GPC5: variants seen among roughly 807,000 people sequenced by gnomAD.
The protein encoded by GPC5 is glypican-5.
GPC5 carries 47 observed loss-of-function variants against 53.9 expected under a neutral mutation model. That is an observed-to-expected ratio of 0.87 (90% CI 0.69 to 1.11). GPC5 has a LOEUF of 1.11. Among genes scored for constraint, GPC5 ranks in the 50% most tolerant of loss-of-function variants. GPC5 has a pLI of 0.00. For missense variants in GPC5, 748 were observed against 713.1 expected (o/e 1.05, Z -0.56); for synonymous variants, 286 against 263.3 (o/e 1.09, Z -0.84).
At chr13:92,794,129 T>A (rs1876567650) in intron 7 of GPC5, among the ~76,000 whole-genome samples, 1 of 151,756 alleles carries the variant, frequency 6.6e-6, no homozygotes, top group Non-Finnish European at 1.5e-5. Flanking sequence ...AAAGCGAAAA[T>A]CCTCAATAAA....
At chr13:92,502,579 T>G (rs201511640) in intron 7 of GPC5, among the ~76,000 whole-genome samples, 1 of 151,980 alleles carries the variant, frequency 6.6e-6, no homozygotes. Flanking sequence ...GGAGTGGCTG[T>G]GTTAATTAGA....
chr13:91,949,365 G>A (rs2040005160), intron 6 of GPC5, among the ~76,000 whole-genome samples: 1 of 152,170 alleles, frequency 6.6e-6, no homozygotes, highest in Admixed American at 6.5e-5. Context: ...CTACAGTAAA[G>A]ATAGTTAATT....
At chr13:92,369,150 A>G (rs536202034) in intron 7 of GPC5, among the ~76,000 whole-genome samples, 15 of 152,348 alleles carry the variant, frequency 9.8e-5, no homozygotes, top group African/African-American at 2.9e-4. Context: ...TATATCATCA[A>G]TGCACCTTTA....
intron 5 of GPC5, among the ~76,000 whole-genome samples, chr13:91,766,810 A>AAAG: frequency 1.3e-5 from 2 of 152,288 alleles, no homozygotes; most frequent in African/African-American, 4.8e-5. Context: ...CAGTGAGCCG[A>AAAG]GACTGCACCA....
chr13:91,404,063 C>A (rs1877144521), intron 1 of GPC5, among the ~76,000 whole-genome samples: 1 of 152,172 alleles, frequency 6.6e-6, no homozygotes, highest in African/African-American at 2.4e-5. Context: ...CCACTTATCA[C>A]CCCCCAATCC....
intron 7 of GPC5, among the ~76,000 whole-genome samples, chr13:92,321,029 C>A (rs1177050397): frequency 6.8e-6 from 1 of 147,264 alleles, no homozygotes; most frequent in Non-Finnish European, 1.5e-5. Context: ...TTCTTTCATA[C>A]AATGTAGGAT....
chr13:92,281,217 C>T (rs1309559959), intron 7 of GPC5, among the ~76,000 whole-genome samples: 2 of 152,198 alleles, frequency 1.3e-5, no homozygotes, highest in Admixed American at 6.5e-5. Context: ...CCTGCCATTG[C>T]TGAGGCTTCA....
At chr13:91,429,684 T>C (rs1879292740) in intron 1 of GPC5, among the ~76,000 whole-genome samples, 1 of 152,176 alleles carries the variant, frequency 6.6e-6, no homozygotes, top group Non-Finnish European at 1.5e-5. Context: ...CTAGAGTTGA[T>C]GGTGTGAGAC....
At chr13:92,421,558 G>A (rs995297632) in intron 7 of GPC5, among the ~76,000 whole-genome samples, 3 of 151,962 alleles carry the variant, frequency 2.0e-5, no homozygotes, top group South Asian at 2.1e-4. Flanking sequence ...AATTAGTCGG[G>A]CGTGGTGGCG....
intron 7 of GPC5, among the ~76,000 whole-genome samples, chr13:92,435,854 C>T (rs1021394921): frequency 6.6e-6 from 1 of 152,164 alleles, no homozygotes; most frequent in Admixed American, 6.5e-5. Context: ...TGGTAGAATG[C>T]ATTCAGGGAA....
At position 92,128,130 on chromosome 13, in the gene GPC5, G is replaced by T. The variant is rs189985436; in HGVS notation, c.1402-16700G>T. Among the ~76,000 whole-genome samples, 12 of 152,144 alleles carry T rather than the reference G, an allele frequency of 7.9e-5. No individual in the cohort carries two copies. The East Asian group carries it at 2.3e-3, about 29-fold the overall frequency. On this transcript the variant is annotated intron_variant, in intron 6 of 7. Coordinates refer to ENST00000377067, the MANE Select transcript of GPC5 (RefSeq NM_004466.6). ...CTTACTCAGCTTTTCCCTATTCTTC[G>T]GGTTTCCTCTGGGTCCTTTGATAAT...
At chr13:92,311,729 A>T (rs1287590542) in intron 7 of GPC5, among the ~76,000 whole-genome samples, 1 of 152,120 alleles carries the variant, frequency 6.6e-6, no homozygotes, top group Non-Finnish European at 1.5e-5. Context: ...ACCCACCCCT[A>T]TGATTCAGTT....
chr13:92,423,685 C>G (rs1050965315), intron 7 of GPC5, among the ~76,000 whole-genome samples: 7 of 152,144 alleles, frequency 4.6e-5, no homozygotes, highest in African/African-American at 1.7e-4. Context: ...TAGCAATTTT[C>G]TTAATGTTAC....
intron 5 of GPC5, among the ~76,000 whole-genome samples, chr13:91,782,696 A>G (rs1269430287): frequency 1.3e-5 from 2 of 152,190 alleles, no homozygotes; most frequent in Admixed American, 1.3e-4. Flanking sequence ...CTTTTAGCCT[A>G]AAATTAGTTC....
chr13:91,836,102 A>G lies in GPC5; in HGVS notation c.1281-71835A>G, dbSNP rs1320377626. Among the ~76,000 whole-genome samples, 10 of 152,152 alleles carry G rather than the reference A, an allele frequency of 6.6e-5. No homozygotes were observed. The South Asian group carries it at 1.9e-3, about 28-fold the overall frequency. On this transcript the variant is annotated intron_variant, in intron 5 of 7. Transcript: ENST00000377067. The stretch of plus-strand genomic sequence containing the variant: ...ATCACAGAAGAGAATACTAAGCACT[A>G]AGAAGAAATTTAAATATTGTATGTT...
chr13:91,758,764 G>A lies in GPC5; in HGVS notation c.1280+2344G>A, dbSNP rs549973584. On this transcript the variant is annotated intron_variant, in intron 5 of 7. Transcript: ENST00000377067. ...GCCTTCCCTTTCCTGTACCACCACA[G>A]ACTCCTGTCTATTAGCTACTTCCAA... 3.9e-5 allele frequency among the ~76,000 whole-genome samples: 6 copies of A among 152,180 alleles called. 1 individual carries two copies. The highest frequency in any genetic ancestry group is 1.4e-4 in the African/African-American group (6 of 41,544).
Position 92,730,365 on chromosome 13 carries a change from T to C in GPC5, c.1562-135917T>C, listed in dbSNP as rs72641070. ...TTTCTGTTCTGTACAAATTACTCAG[T>C]GTAAGATATTACTATGATACCACCT... On this transcript the variant is annotated intron_variant, in intron 7 of 7. Coordinates refer to ENST00000377067, the MANE Select transcript of GPC5 (RefSeq NM_004466.6). 9.6e-3 allele frequency among the ~76,000 whole-genome samples: 1,458 copies of C among 151,568 alleles called. 17 individuals are homozygous for C. The highest frequency in any genetic ancestry group is 0.014 in the Non-Finnish European group (957 of 67,644).
At chr13:91,738,359 C>T (rs2036857677) in intron 4 of GPC5, among the ~76,000 whole-genome samples, 1 of 151,238 alleles carries the variant, frequency 6.6e-6, no homozygotes, top group South Asian at 2.1e-4. Context: ...GGTGTTGTGT[C>T]CTATGCACAT....
intron 6 of GPC5, among the ~76,000 whole-genome samples, chr13:91,976,631 CT>C (rs1227927335): frequency 9.2e-5 from 14 of 152,186 alleles, no homozygotes; most frequent in Non-Finnish European, 1.5e-4. Flanking sequence ...AGTCTGGCAT[CT>C]CATTATCTGG....
Sources: allele counts gnomAD v4.1 joint callset (sites outside exome capture counted in the v4.1 genomes callset), GRCh38; gene constraint gnomAD v4.1.1; transcripts MANE v1.5; gene names NCBI Gene and HGNC (gene_info 2026-07-23, HGNC 2026-07-21).